The following CCSER1 variants were observed in gnomAD, a reference collection of about 807,000 sequenced individuals.
CCSER1 encodes the protein coiled-coil serine rich protein 1, also known as serine-rich coiled-coil domain-containing protein 1.
Under a neutral mutation model 82.0 loss-of-function variants are expected in CCSER1, and 41 were observed. That is an observed-to-expected ratio of 0.50 (90% CI 0.39 to 0.65). CCSER1 has a LOEUF of 0.65. Among genes scored for constraint, CCSER1 ranks in the 30% least tolerant of loss-of-function variants. The pLI is 0.00. For missense variants in CCSER1, 1,119 were observed against 1,064.2 expected, an observed-to-expected ratio of 1.05 and a Z score of -0.72; for synonymous variants, 414 against 383.9, an observed-to-expected ratio of 1.08 and a Z score of -0.92.
chr4:90,930,935 TATATACACATGAC>T (rs1729693942), intron 9 of CCSER1, among the ~76,000 whole-genome samples: 1 of 137,338 alleles, frequency 7.3e-6, no homozygotes, highest in Non-Finnish European at 1.6e-5. Flanking sequence ...TATATATATA[TATATACACATGAC>T]ATATATATAC....
At chr4:90,233,926 G>T (rs558652581) in intron 1 of CCSER1, among the ~76,000 whole-genome samples, 2 of 151,942 alleles carry the variant, frequency 1.3e-5, no homozygotes, top group African/African-American at 4.8e-5. Context: ...TCTTACATAC[G>T]TTGTTTCTAT....
At chr4:90,601,908 GA>G (rs1221282681) in intron 5 of CCSER1, among the ~76,000 whole-genome samples, 1 of 152,010 alleles carries the variant, frequency 6.6e-6, no homozygotes, top group African/African-American at 2.4e-5. Context: ...TTTGGTCAGA[GA>G]ACCTACTTTG....
At chr4:90,768,451 G>A (rs570888013) in intron 7 of CCSER1, among the ~76,000 whole-genome samples, 10 of 152,304 alleles carry the variant, frequency 6.6e-5, no homozygotes, top group African/African-American at 1.4e-4. Context: ...GTGATAATTT[G>A]TTAAATAACA....
At chr4:91,153,538 C>T (rs1239720711) in intron 10 of CCSER1, among the ~76,000 whole-genome samples, 1 of 151,974 alleles carries the variant, frequency 6.6e-6, no homozygotes, top group East Asian at 1.9e-4. Context: ...ATTCTCCATC[C>T]AGCTTTGTCC....
chr4:90,427,870 G>A (rs958253659), intron 4 of CCSER1, among the ~76,000 whole-genome samples: 3 of 151,706 alleles, frequency 2.0e-5, no homozygotes, highest in Admixed American at 6.6e-5. Context: ...ATGTTATTCA[G>A]CCCTATTTTG....
intron 7 of CCSER1, among the ~76,000 whole-genome samples, chr4:90,737,066 CTA>C (rs1745775968): frequency 6.6e-6 from 1 of 152,114 alleles, no homozygotes; most frequent in African/African-American, 2.4e-5. Context: ...CTTATACTAA[CTA>C]TGTCTTGAAA....
intron 5 of CCSER1, among the ~76,000 whole-genome samples, chr4:90,588,990 G>A (rs1400384414): frequency 6.6e-6 from 1 of 152,124 alleles, no homozygotes; most frequent in African/African-American, 2.4e-5. Context: ...CTACATCATA[G>A]TATTCCAGTG....
chr4:91,366,467 C>A (rs1749622570), intron 10 of CCSER1, among the ~76,000 whole-genome samples: 1 of 152,132 alleles, frequency 6.6e-6, no homozygotes, highest in Non-Finnish European at 1.5e-5. Flanking sequence ...CAAAAATAGT[C>A]ATAATTTTTA....
chr4:91,356,033 A>G (rs948336795), intron 10 of CCSER1, among the ~76,000 whole-genome samples: 8 of 152,242 alleles, frequency 5.3e-5, no homozygotes, highest in African/African-American at 1.9e-4. Context: ...AAATCACCAC[A>G]GCATGGGGAC....
intron 1 of CCSER1, among the ~76,000 whole-genome samples, chr4:90,279,815 A>G (rs1728560634): frequency 6.6e-6 from 1 of 152,040 alleles, no homozygotes; most frequent in African/African-American, 2.4e-5. Context: ...TATTTGAACT[A>G]GCTGTGGCCT....
intron 10 of CCSER1, among the ~76,000 whole-genome samples, chr4:91,427,551 G>A (rs868322919): frequency 7.9e-5 from 12 of 152,028 alleles, no homozygotes; most frequent in Middle Eastern, 3.2e-3. Flanking sequence ...AAAAATGCAG[G>A]CTTTGTAGGC....
chr4:91,441,636 G>T (rs1257566450), intron 10 of CCSER1, among the ~76,000 whole-genome samples: 1 of 152,144 alleles, frequency 6.6e-6, no homozygotes, highest in African/African-American at 2.4e-5. Context: ...TTAGGCAGGA[G>T]AAGGAAATAA....
At chr4:90,295,137 T>G (rs116656907) in intron 1 of CCSER1, among the ~76,000 whole-genome samples, 255 of 152,126 alleles carry the variant, frequency 1.7e-3, no homozygotes, top group African/African-American at 5.9e-3. Flanking sequence ...TTTTATATTT[T>G]CACTACAATA....
At chr4:91,194,673 AAC>A (rs370891528) in intron 10 of CCSER1, among the ~76,000 whole-genome samples, 82 of 149,274 alleles carry the variant, frequency 5.5e-4, no homozygotes, top group East Asian at 1.8e-3. Flanking sequence ...CATGGTAGAG[AAC>A]ACACACACAC....
Position 90,923,450 on chromosome 4 carries a change from A to G in CCSER1, c.2172+3A>G. 1.3e-6 allele frequency: 2 copies of G among 1,546,430 alleles called. No homozygotes were observed. The highest frequency in any genetic ancestry group is 1.8e-6 in the Non-Finnish European group (2 of 1,142,324). ...AGACTGAACTACTATGCTATGATGT[A>G]AGTAGCTCTGTAAAACCATTTTTAA... On this transcript the variant is annotated splice_donor_region_variant and intron_variant, in intron 9 of 10. Coordinates refer to ENST00000509176, the MANE Select transcript of CCSER1 (RefSeq NM_001145065.2).
intron 10 of CCSER1, among the ~76,000 whole-genome samples, chr4:91,218,033 G>A (rs376000983): frequency 5.3e-5 from 8 of 152,210 alleles, no homozygotes; most frequent in East Asian, 3.9e-4. Flanking sequence ...GGTGCTTGTC[G>A]GGGAGGCTCC....
intron 5 of CCSER1, among the ~76,000 whole-genome samples, chr4:90,539,468 T>G (rs1229766559): frequency 6.6e-6 from 1 of 152,068 alleles, no homozygotes; most frequent in Non-Finnish European, 1.5e-5. Flanking sequence ...TGTTGTAAGC[T>G]CTCATAAGAC....
intron 10 of CCSER1, among the ~76,000 whole-genome samples, chr4:91,562,462 A>G (rs573028067): frequency 7.3e-5 from 11 of 151,622 alleles, no homozygotes; most frequent in Admixed American, 3.3e-4. Context: ...ATAAGGGTTT[A>G]TCTTCTTTCC....
At position 90,397,575 on chromosome 4, in the gene CCSER1, A is replaced by G. The variant is rs1158569082; in HGVS notation, c.1510-2461A>G. ...AAGTAGGCTTAGACTGGTCTTGACT[A>G]CACAATTAAATCCATAGCCCCTGTG... On this transcript the variant is annotated intron_variant, in intron 3 of 10. Coordinates refer to ENST00000509176, the MANE Select transcript of CCSER1 (RefSeq NM_001145065.2). Among the ~76,000 whole-genome samples, 6 of 152,318 alleles carry G rather than the reference A, an allele frequency of 3.9e-5. No individual in the cohort carries two copies. In the East Asian group the frequency reaches 1.2e-3, roughly 29 times the overall value.
Sources: gnomAD v4.1 joint callset for allele counts (sites outside exome capture counted in the v4.1 genomes callset) on GRCh38, gnomAD v4.1.1 for gene constraint, MANE v1.5 for transcripts, NCBI Gene and HGNC (gene_info 2026-07-23, HGNC 2026-07-21) for gene names.